SVIL: variants seen among roughly 807,000 people sequenced by gnomAD.
SVIL encodes supervillin.
SVIL carries 101 observed loss-of-function variants against 240.4 expected under a neutral mutation model. The observed-to-expected ratio is 0.42, with a 90% CI of 0.36 to 0.50. The LOEUF is 0.50. SVIL is among the 20% of genes least tolerant of loss of function. The probability of loss-of-function intolerance (pLI) is 0.01; values close to 1 mark genes in which losing one functional copy is unlikely to be tolerated. For missense variants in SVIL, 2,512 were observed against 2,818.7 expected, an observed-to-expected ratio of 0.89 and a Z score of 2.46; for synonymous variants, 999 against 1,100.0, an observed-to-expected ratio of 0.91 and a Z score of 1.82.
intron 2 of SVIL, among the ~76,000 whole-genome samples, chr10:29,685,602 A>G (rs1001516519): frequency 5.9e-5 from 9 of 152,224 alleles, no homozygotes; most frequent in African/African-American, 2.2e-4. Flanking sequence ...ACTTTTTAAC[A>G]GTAGCCATTC....
chr10:29,498,982 T>C, intron 18 of SVIL, 134 bp downstream of exon 18: 1 of 1,324,886 alleles, frequency 7.5e-7, no homozygotes, highest in Non-Finnish European at 1.0e-6. Context: ...CCCTGTCTCT[T>C]AGAAAAAACT....
intron 3 of SVIL, among the ~76,000 whole-genome samples, chr10:29,651,985 TTAACCGTCCAATA>T (rs1357866758): frequency 2.6e-5 from 4 of 151,712 alleles, no homozygotes; most frequent in African/African-American, 9.7e-5. Flanking sequence ...GTGCTGACAG[TTAACCGTCCAATA>T]TATGTAAGAC....
At chr10:29,736,826 C>A (rs906318179), upstream of SVIL, 1 of 152,340 alleles carries the variant, frequency 6.6e-6, no homozygotes, top group Non-Finnish European at 1.5e-5. Flanking sequence ...AGGTGTGGGC[C>A]CCGGGAAAGT....
intron 1 of SVIL, among the ~76,000 whole-genome samples, chr10:29,579,387 G>C (rs1955840268): frequency 6.6e-6 from 1 of 152,100 alleles, no homozygotes; most frequent in Non-Finnish European, 1.5e-5. Context: ...GCAGTGAGCA[G>C]AGATTGCGTC....
At chr10:29,481,218 T>G (rs1488961496) in intron 28 of SVIL, among the ~76,000 whole-genome samples, 1 of 151,638 alleles carries the variant, frequency 6.6e-6, no homozygotes, top group Non-Finnish European at 1.5e-5. Context: ...AAAAAAGTAT[T>G]TTAGTTGACA....
intron 1 of SVIL, among the ~76,000 whole-genome samples, chr10:29,586,336 C>T (rs7894219): frequency 1.2e-3 from 186 of 152,140 alleles, no homozygotes; most frequent in African/African-American, 4.0e-3. Context: ...TTATGGGGTA[C>T]GGAGTGATGT....
intron 1 of SVIL, among the ~76,000 whole-genome samples, chr10:29,584,223 G>C (rs530457223): frequency 6.6e-6 from 1 of 152,216 alleles, no homozygotes; most frequent in African/African-American, 2.4e-5. Context: ...TAACCGGGGC[G>C]TGGGCTTAAA....
chr10:29,648,613 T>C (rs1958741070), intron 3 of SVIL, among the ~76,000 whole-genome samples: 1 of 152,182 alleles, frequency 6.6e-6, no homozygotes, highest in Admixed American at 6.5e-5. Context: ...ACCTCTCCTC[T>C]TGGCAATCAC....
intron 29 of SVIL, among the ~76,000 whole-genome samples, chr10:29,474,318 T>C (rs942744745): frequency 1.7e-4 from 26 of 152,156 alleles, no homozygotes; most frequent in Non-Finnish European, 2.6e-4. Flanking sequence ...CTTCAAAATA[T>C]TTGGTGAGGC....
At chr10:29,499,634 A>C (rs1588998867) in intron 17 of SVIL, among the ~76,000 whole-genome samples, 1 of 152,202 alleles carries the variant, frequency 6.6e-6, no homozygotes, top group Non-Finnish European at 1.5e-5. Context: ...AACTCAGTTA[A>C]CTGGGAGATT....
rs1190678272 is a variant in SVIL, at chr10:29,697,262, C to T, written c.-399-10611G>A. Among the ~76,000 whole-genome samples, 3 of 73,584 alleles carry T rather than the reference C, an allele frequency of 4.1e-5. No individual in the cohort carries two copies. The South Asian group carries it at 1.4e-3, about 34-fold the overall frequency. 48.3% of individuals were successfully genotyped at this position (73,584 alleles called of 152,430 possible). On this transcript the variant is annotated intron_variant, in intron 1 of 35. Transcript: ENST00000375400. ...TGAGGGGCGCCTCTGCCCGGCCGCC[C>T]CTACTGGGAAGTGAGGAGCCCCTCT...
intron 1 of SVIL, among the ~76,000 whole-genome samples, chr10:29,631,440 G>A (rs1249433075): frequency 6.6e-6 from 1 of 151,302 alleles, no homozygotes; most frequent in Non-Finnish European, 1.5e-5. Flanking sequence ...TCAGGATTTC[G>A]AGACCAGCCT....
At chr10:29,509,084 CTGGAGGA>C (rs1448612675) in intron 17 of SVIL, among the ~76,000 whole-genome samples, 3 of 152,192 alleles carry the variant, frequency 2.0e-5, no homozygotes. Context: ...ATGAGTTACT[CTGGAGGA>C]AAGTGTACAC....
intron 21 of SVIL, among the ~76,000 whole-genome samples, chr10:29,491,507 AC>A (rs1947953426): frequency 6.6e-6 from 1 of 152,148 alleles, no homozygotes; most frequent in South Asian, 2.1e-4. Flanking sequence ...CGGTCCCCTT[AC>A]TGACCCTCCA....
chr10:29,676,427 A>C (rs1489675443), intron 2 of SVIL, among the ~76,000 whole-genome samples: 1 of 152,180 alleles, frequency 6.6e-6, no homozygotes, highest in Non-Finnish European at 1.5e-5. Context: ...TTTGAGAGCA[A>C]AGACTAACTT....
At chr10:29,662,601 A>G (rs541894015) in intron 2 of SVIL, among the ~76,000 whole-genome samples, 1 of 152,200 alleles carries the variant, frequency 6.6e-6, no homozygotes, top group Non-Finnish European at 1.5e-5. Context: ...CTACCACATT[A>G]GTGCCCAAGG....
At chr10:29,474,466 A>C (rs1187049516) in intron 29 of SVIL, among the ~76,000 whole-genome samples, 8 of 152,104 alleles carry the variant, frequency 5.3e-5, no homozygotes, top group Non-Finnish European at 1.2e-4. Context: ...GTGGTGTTGC[A>C]CACCTGTAGT....
At chr10:29,481,529 C>T in intron 28 of SVIL, 55 bp downstream of exon 28, 1 of 1,606,960 alleles carries the variant, frequency 6.2e-7, no homozygotes, top group Admixed American at 1.7e-5. Flanking sequence ...ATGAAGGCCA[C>T]TTTTATTGGG....
chr10:29,476,082 CAAAAT>C (rs1294272473), intron 29 of SVIL, among the ~76,000 whole-genome samples: 2 of 152,046 alleles, frequency 1.3e-5, no homozygotes, highest in African/African-American at 2.4e-5. Flanking sequence ...TTTGAGAGGG[CAAAAT>C]AAAATAGGAA....
Sources: allele counts gnomAD v4.1 joint callset (sites outside exome capture counted in the v4.1 genomes callset), GRCh38; gene constraint gnomAD v4.1.1; transcripts MANE v1.5; gene names NCBI Gene and HGNC (gene_info 2026-07-23, HGNC 2026-07-21).